GBF1: variants seen among roughly 807,000 people sequenced by gnomAD.
GBF1 encodes Golgi-specific brefeldin A-resistance guanine nucleotide exchange factor 1.
Under a neutral mutation model 210.5 loss-of-function variants are expected in GBF1, and 114 were observed. The ratio of observed to expected loss-of-function variants is 0.54; its 90% CI spans 0.47 to 0.63. The LOEUF is 0.63. Ranked by LOEUF, GBF1 falls within the 30% of genes least tolerant of loss-of-function variation. The pLI is 0.00. For missense variants in GBF1, 1,851 were observed against 2,357.7 expected (o/e 0.79, Z 4.45); for synonymous variants, 850 against 889.2 (o/e 0.96, Z 0.78).
At chr10:102,359,741 C>T (rs2059488050) in intron 11 of GBF1, among the ~76,000 whole-genome samples, 1 of 151,176 alleles carries the variant, frequency 6.6e-6, no homozygotes, top group African/African-American at 2.4e-5. Flanking sequence ...TAGACTAGTC[C>T]CCTCATGTCC....
intron 3 of GBF1, among the ~76,000 whole-genome samples, chr10:102,308,653 C>T (rs1162823487): frequency 6.7e-6 from 1 of 148,644 alleles, no homozygotes; most frequent in East Asian, 2.0e-4. Context: ...CATGTTCTCA[C>T]TCATAGGTGG....
the GBF1 span, chr10:102,231,541 G>T: frequency 1.5e-6 from 2 of 1,312,808 alleles, no homozygotes; most frequent in Non-Finnish European, 2.1e-6. Context: ...CGCAGGCTGA[G>T]CGCGGAGGGC....
the GBF1 span, among the ~76,000 whole-genome samples, chr10:102,237,819 C>T: frequency 2.0e-5 from 3 of 151,938 alleles, no homozygotes; most frequent in African/African-American, 7.3e-5. Context: ...TATCACCACA[C>T]CAGGAAGATG....
At position 102,380,366 on chromosome 10, in the gene GBF1, T is replaced by G. The variant is rs1375400299; in HGVS notation, c.4992+4T>G. The G allele has an allele frequency of 5.0e-6, 8 of 1,605,374 alleles. No homozygotes were observed. The highest frequency in any genetic ancestry group is 6.0e-6 in the Non-Finnish European group (7 of 1,172,148). On this transcript the variant is annotated splice_donor_region_variant and intron_variant, in intron 37 of 39. Transcript: ENST00000369983. Reference sequence around the variant, plus strand: ...CGCAGGCTCCAGCGACTTACTGGTATGTTCTACCTCAGCTCTGCTGCCTGC... The same window carrying G: ...CGCAGGCTCCAGCGACTTACTGGTAGGTTCTACCTCAGCTCTGCTGCCTGC...
chr10:102,278,062 G>C (rs760141367), intron 3 of GBF1, among the ~76,000 whole-genome samples: 75 of 151,912 alleles, frequency 4.9e-4, no homozygotes, highest in Admixed American at 4.6e-4. Context: ...TTTGAGACCA[G>C]CTTTGGCAAC....
intron 3 of GBF1, among the ~76,000 whole-genome samples, chr10:102,306,624 A>T (rs563482248): frequency 6.6e-6 from 1 of 152,156 alleles, no homozygotes; most frequent in Admixed American, 6.5e-5. Context: ...GGGTTTTGCC[A>T]TGTTGGCCAG....
intron 3 of GBF1, among the ~76,000 whole-genome samples, chr10:102,294,944 C>G (rs746905027): frequency 3.3e-5 from 5 of 152,178 alleles, no homozygotes; most frequent in South Asian, 2.1e-4. Flanking sequence ...TATCTCTGTC[C>G]TTAAGCAATG....
Position 102,369,239 on chromosome 10 carries a change from G to A in GBF1, c.3002G>A (p.Gly1001Glu). The change falls in exon 24 of 40, where the codon GGA becomes GAA. Residue 1001 changes from glycine (G) to glutamate (E), a missense_variant. Physicochemically the swap from Gly to Glu is moderately conservative, Grantham distance 98 (BLOSUM62 -2). Around this residue, in one of 3 missense-constraint regions of GBF1, gnomAD observed 967 missense variants for 1,247.7 expected, o/e 0.78. Coordinates refer to ENST00000369983, the MANE Select transcript of GBF1 (RefSeq NM_001377137.1). The stretch of plus-strand genomic sequence containing the variant: ...ATTGAGAACCTGCCCAGTGTATTTG[G>A]AAGCAACCCTAAAGCCCATATTGCA... ...ESIENLPSVF[G>E]SNPKAHIAAK... 1 of 1,613,746 alleles carries A rather than the reference G, an allele frequency of 6.2e-7. No individual in the cohort carries two copies. The highest frequency in any genetic ancestry group is 8.5e-7 in the Non-Finnish European group (1 of 1,179,696).
chr10:102,375,369 C>G lies in GBF1; in HGVS notation c.3671C>G (p.Ser1224Cys), dbSNP rs1433766278. The G allele has an allele frequency of 8.7e-6, 14 of 1,609,210 alleles. No homozygotes were observed. The highest frequency in any genetic ancestry group is 1.3e-5 in the African/African-American group (1 of 74,798). ...CTAACCCCACTCCAGGTGCTGCTCT[C>G]CCTGCGCATTTTGCTACTGATGAAG... ...REEISAQVLL[S>C]LRILLLMKPS... is the part of the protein sequence containing the mutation. Residue 1224 changes from serine to cysteine, a missense_variant, in exon 30 of 40, where the codon TCC becomes TGC. This residue lies in a region of GBF1 where 967 missense variants were observed against 1,247.7 expected (regional missense o/e 0.78). Coordinates refer to ENST00000369983, the MANE Select transcript of GBF1 (RefSeq NM_001377137.1).
At chr10:102,253,352 AT>A (rs1485808768) in intron 1 of GBF1, among the ~76,000 whole-genome samples, 1 of 152,176 alleles carries the variant, frequency 6.6e-6, no homozygotes, top group South Asian at 2.1e-4. Context: ...ACTATTCTCA[AT>A]TTTTTTGTGT....
At chr10:102,332,908 TTG>T (rs1482943024) in intron 3 of GBF1, among the ~76,000 whole-genome samples, 1 of 152,210 alleles carries the variant, frequency 6.6e-6, no homozygotes, top group African/African-American at 2.4e-5. Flanking sequence ...TGAGAAACTG[TTG>T]TGTGATAGCT....
chr10:102,368,872 G>T, intron 23 of GBF1, 40 bp downstream of exon 23: 2 of 1,366,144 alleles, frequency 1.5e-6, no homozygotes, highest in Non-Finnish European at 2.1e-6. Flanking sequence ...AGCTCCAAAG[G>T]AGGACCTCTC....
chr10:102,299,906 A>G (rs1202041291), intron 3 of GBF1, among the ~76,000 whole-genome samples: 1 of 152,182 alleles, frequency 6.6e-6, no homozygotes, highest in South Asian at 2.1e-4. Flanking sequence ...TTATTTTATC[A>G]TTGTTATTAA....
chr10:102,348,797 A>G (rs987606092), intron 4 of GBF1, among the ~76,000 whole-genome samples: 8 of 152,254 alleles, frequency 5.3e-5, no homozygotes, highest in African/African-American at 1.9e-4. Context: ...TAATGAGGAC[A>G]GAAGAAAAAG....
intron 3 of GBF1, among the ~76,000 whole-genome samples, chr10:102,331,592 G>A (rs1396385494): frequency 6.6e-6 from 1 of 151,986 alleles, no homozygotes; most frequent in Non-Finnish European, 1.5e-5. Context: ...AGACCAGCCT[G>A]GGCAAGAGAG....
upstream of GBF1, among the ~76,000 whole-genome samples, chr10:102,245,058 G>A (rs1187095551): frequency 6.6e-6 from 1 of 152,166 alleles, no homozygotes; most frequent in South Asian, 2.1e-4. Context: ...AATGAAGGGA[G>A]CCCAGAGCTG....
At chr10:102,232,092 T>C in the GBF1 span, 2 of 1,547,020 alleles carry the variant, frequency 1.3e-6, no homozygotes, top group South Asian at 2.3e-5. Context: ...GAGGGAGGGC[T>C]CTGGAGGCGA....
intron 1 of GBF1, among the ~76,000 whole-genome samples, chr10:102,256,520 AT>A (rs894236208): frequency 4.6e-4 from 65 of 139,788 alleles, no homozygotes; most frequent in Admixed American, 9.7e-4. Flanking sequence ...AAAAAAAAAA[AT>A]TTTTTTTTTT....
the GBF1 span, among the ~76,000 whole-genome samples, chr10:102,239,890 G>A: frequency 3.9e-5 from 6 of 152,172 alleles, no homozygotes; most frequent in Admixed American, 2.0e-4. Flanking sequence ...TGTTAGGTAG[G>A]GCCAAGATAT....
Sources: gnomAD v4.1 joint callset for allele counts (sites outside exome capture counted in the v4.1 genomes callset) on GRCh38, gnomAD v4.1.1 for gene constraint, gnomAD v4.1.1 regional missense constraint, MANE v1.5 for transcripts, NCBI Gene and HGNC (gene_info 2026-07-23, HGNC 2026-07-21) for gene names.